TAF3: variants seen among roughly 807,000 people sequenced by gnomAD.
TAF3 encodes the protein TATA-box binding protein associated factor 3, also known as transcription initiation factor TFIID subunit 3.
A neutral mutation model predicts 80.6 loss-of-function variants in TAF3; 7 were observed. That is an observed-to-expected ratio of 0.09 (90% CI 0.05 to 0.16). The LOEUF (loss-of-function observed/expected upper bound fraction) is 0.16. TAF3 is among the 10% of genes least tolerant of loss of function. The pLI, the probability that TAF3 is intolerant of heterozygous loss-of-function variation, is 1.00. For synonymous variants in TAF3, 444 were observed against 446.1 expected, an observed-to-expected ratio of 1.00 and a Z score of 0.06; for missense variants, 921 against 1,140.2, an observed-to-expected ratio of 0.81 and a Z score of 2.77.
rs78398847 is a variant in TAF3 at position 7,986,338 on chromosome 10, A to G, written c.2315+9015A>G. Among the ~76,000 whole-genome samples the G allele has an allele frequency of 5.0e-3, 755 of 152,288 alleles. 9 individuals carry two copies. The highest frequency in any genetic ancestry group is 0.02 in the East Asian group (106 of 5,180). On this transcript the variant is annotated intron_variant, in intron 4 of 6. Transcript: ENST00000344293. The stretch of plus-strand genomic sequence containing the variant: ...TGGGTGAACCAGCAGCACCTCAAAA[A>G]TAGCATTTCCAAAACTGAACCCAGC...
intron 2 of TAF3, among the ~76,000 whole-genome samples, chr10:7,854,413 A>G (rs1837058764): frequency 6.6e-6 from 1 of 152,220 alleles, no homozygotes; most frequent in African/African-American, 2.4e-5. Flanking sequence ...AGCGAGATAC[A>G]CACATGGAAG....
intron 2 of TAF3, among the ~76,000 whole-genome samples, chr10:7,880,716 A>G (rs976228144): frequency 1.3e-5 from 2 of 151,870 alleles, no homozygotes; most frequent in Admixed American, 1.3e-4. Flanking sequence ...TTTTTTTAGT[A>G]GTTTCTATTC....
intron 2 of TAF3, among the ~76,000 whole-genome samples, chr10:7,840,533 A>G (rs1194471631): frequency 1.3e-5 from 2 of 152,124 alleles, no homozygotes; most frequent in South Asian, 2.1e-4. Context: ...TGAAAAAAAA[A>G]AAAAAGATTG....
intron 2 of TAF3, among the ~76,000 whole-genome samples, chr10:7,919,122 G>A (rs138208699): frequency 1.3e-5 from 2 of 152,300 alleles, no homozygotes; most frequent in East Asian, 1.9e-4. Flanking sequence ...AAAAAAAATG[G>A]GAGATTGAGT....
intron 2 of TAF3, among the ~76,000 whole-genome samples, chr10:7,865,448 C>T (rs1450670601): frequency 6.6e-6 from 1 of 152,020 alleles, no homozygotes; most frequent in Non-Finnish European, 1.5e-5. Context: ...CTCTGCACTC[C>T]AGCCTGGGGG....
At chr10:7,875,003 T>C (rs1253948041) in intron 2 of TAF3, among the ~76,000 whole-genome samples, 1 of 152,170 alleles carries the variant, frequency 6.6e-6, no homozygotes, top group Non-Finnish European at 1.5e-5. Context: ...CAAAATGTGC[T>C]GTTTTTCTTT....
rs372978264 is a variant in TAF3, at chr10:7,897,512, A to T, written c.410-66408A>T. ...TAAAATTTCACTGTGATTTGCCTTC[A>T]TGCGTGTTTTGTTTTTTTCATGGTA... On this transcript the variant is annotated intron_variant, in intron 2 of 6. Coordinates refer to ENST00000344293, the MANE Select transcript of TAF3 (RefSeq NM_031923.4). 2.9e-4 allele frequency among the ~76,000 whole-genome samples: 44 copies of T among 152,038 alleles called. 1 individual carries two copies. Among genetic ancestry groups the T allele is most frequent in the East Asian group, 2.1e-3 (11 of 5,176 alleles).
At chr10:7,902,825 T>A (rs1333769124) in intron 2 of TAF3, among the ~76,000 whole-genome samples, 1 of 152,258 alleles carries the variant, frequency 6.6e-6, no homozygotes, top group East Asian at 1.9e-4. Flanking sequence ...CTATCACTTC[T>A]GTATTGAAAT....
chr10:8,005,271 T>C (rs1265816715), intron 4 of TAF3, among the ~76,000 whole-genome samples: 1 of 152,252 alleles, frequency 6.6e-6, no homozygotes, highest in Non-Finnish European at 1.5e-5. Context: ...GATCCCACCT[T>C]ACTTCCTCAT....
Position 7,928,818 on chromosome 10 carries a change from T to C in TAF3, c.410-35102T>C, listed in dbSNP as rs1837840662. Among the ~76,000 whole-genome samples the C allele has an allele frequency of 2.6e-5, 4 of 152,172 alleles. No homozygotes were observed. In the South Asian group the frequency reaches 6.2e-4, roughly 24 times the overall value. On this transcript the variant is annotated intron_variant, in intron 2 of 6. Coordinates refer to ENST00000344293, the MANE Select transcript of TAF3 (RefSeq NM_031923.4). Reference sequence around the variant, plus strand: ...TTGTTTTCAGGTTCAGAGAGCTATATTCTGAAATACCGAGACTTCTTGAAG... The same window carrying C: ...TTGTTTTCAGGTTCAGAGAGCTATACTCTGAAATACCGAGACTTCTTGAAG...
intron 2 of TAF3, among the ~76,000 whole-genome samples, chr10:7,906,174 A>G (rs10795574): frequency 0.35 from 53,960 of 152,016 alleles, 10,723 homozygotes; most frequent in Admixed American, 0.48. Context: ...CTCCAACTCA[A>G]CTTTCCTTTA....
At chr10:7,980,111 G>T (rs1385229318) in intron 4 of TAF3, among the ~76,000 whole-genome samples, 1 of 152,032 alleles carries the variant, frequency 6.6e-6, no homozygotes, top group African/African-American at 2.4e-5. Flanking sequence ...CACACACCTT[G>T]GGGGGGAATA....
intron 2 of TAF3, among the ~76,000 whole-genome samples, chr10:7,951,467 A>C (rs1423355355): frequency 6.6e-6 from 1 of 152,176 alleles, no homozygotes; most frequent in Non-Finnish European, 1.5e-5. Flanking sequence ...ACCTGGGCTC[A>C]TTCCTGTGGC....
intron 2 of TAF3, among the ~76,000 whole-genome samples, chr10:7,941,528 A>G (rs1837975919): frequency 1.3e-5 from 2 of 152,188 alleles, no homozygotes; most frequent in Non-Finnish European, 1.5e-5. Context: ...TAATCAAGGT[A>G]AATGTGCTCT....
At chr10:7,867,738 A>G (rs913156544) in intron 2 of TAF3, among the ~76,000 whole-genome samples, 1 of 152,244 alleles carries the variant, frequency 6.6e-6, no homozygotes, top group Admixed American at 6.5e-5. Flanking sequence ...ATGAACAGTT[A>G]GATTTTTATT....
chr10:7,919,740 T>G (rs71481746), intron 2 of TAF3, among the ~76,000 whole-genome samples: 2 of 152,202 alleles, frequency 1.3e-5, no homozygotes, highest in African/African-American at 2.4e-5. Flanking sequence ...CTTTATACTG[T>G]TTTTATTGCT....
In TAF3 at chr10:7,818,760, C is replaced by T. The variant is rs755794075; in HGVS notation, c.51C>T (p.Ile17=). The change falls in exon 1 of 7, where the codon ATC becomes ATT. Residue 17 remains isoleucine, a synonymous_variant. Transcript: ENST00000344293. ...TGTTGAGGGTCTCGGTGGCGCAGAT[C>T]TGCCAGGCGCTGGGCTGGGACTCGG... ...RSLLRVSVAQ[I]CQALGWDSVQ... is the part of the protein sequence containing the mutation. The T allele has an allele frequency of 1.3e-6, 2 of 1,579,756 alleles. No homozygotes were observed. Among genetic ancestry groups the T allele is most frequent in the Non-Finnish European group, 1.7e-6 (2 of 1,168,432 alleles).
chr10:7,854,258 A>G (rs1006657561), intron 2 of TAF3, among the ~76,000 whole-genome samples: 2 of 152,232 alleles, frequency 1.3e-5, no homozygotes, highest in Admixed American at 6.5e-5. Flanking sequence ...CAGCCAACAC[A>G]TATTTGCAAA....
chr10:7,925,793 C>A (rs1420411985), intron 2 of TAF3, among the ~76,000 whole-genome samples: 1 of 85,672 alleles, frequency 1.2e-5, no homozygotes. Flanking sequence ...AAGGAAACTC[C>A]ATCTCAAAAA....
Sources: allele counts gnomAD v4.1 joint callset (sites outside exome capture counted in the v4.1 genomes callset), GRCh38; gene constraint gnomAD v4.1.1; transcripts MANE v1.5; gene names NCBI Gene and HGNC (gene_info 2026-07-23, HGNC 2026-07-21).